Variants in SMG6 observed in about 807,000 individuals in gnomAD.
SMG6 encodes SMG6 nonsense mediated mRNA decay factor.
In SMG6, 66 loss-of-function variants were observed where a neutral mutation model predicts 142.2. The ratio of observed to expected loss-of-function variants is 0.46; its 90% confidence interval spans 0.38 to 0.57. SMG6 has a LOEUF of 0.57. Ranked by LOEUF, SMG6 falls within the 20% of genes least tolerant of loss-of-function variation. The pLI, the probability that SMG6 is intolerant of heterozygous loss-of-function variation, is 0.00. For missense variants in SMG6, 1,793 were observed against 1,832.0 expected, an observed-to-expected ratio of 0.98 and a Z score of 0.39; for synonymous variants, 779 against 702.4, an observed-to-expected ratio of 1.11 and a Z score of -1.72.
chr17:2,073,327 G>A (rs887681572), intron 15 of SMG6, among the ~76,000 whole-genome samples: 2 of 152,044 alleles, frequency 1.3e-5, no homozygotes, highest in East Asian at 2.0e-4. Flanking sequence ...CAGGTGATCC[G>A]CCCGCCTCGG....
chr17:2,183,047 T>C (rs1362505486), intron 12 of SMG6, among the ~76,000 whole-genome samples: 1 of 151,970 alleles, frequency 6.6e-6, no homozygotes, highest in Non-Finnish European at 1.5e-5. Flanking sequence ...AACATGACAA[T>C]GCCCCATCTC....
chr17:2,124,495 C>A (rs919591219), intron 13 of SMG6, among the ~76,000 whole-genome samples: 1 of 152,150 alleles, frequency 6.6e-6, no homozygotes, highest in African/African-American at 2.4e-5. Flanking sequence ...CGCAGAGAGT[C>A]GTAACAGAGT....
intron 13 of SMG6, among the ~76,000 whole-genome samples, chr17:2,161,243 T>G (rs2151625260): frequency 6.6e-6 from 1 of 151,924 alleles, no homozygotes; most frequent in East Asian, 1.9e-4. Context: ...TAGCTGGGAT[T>G]ACAGGCGTGC....
chr17:2,136,102 G>A (rs919023489), intron 13 of SMG6, among the ~76,000 whole-genome samples: 9 of 146,510 alleles, frequency 6.1e-5, no homozygotes, highest in East Asian at 2.1e-4. Flanking sequence ...TCGCTCTGTC[G>A]CCCAGGCTGG....
intron 14 of SMG6, among the ~76,000 whole-genome samples, chr17:2,083,253 C>T (rs547557620): frequency 2.0e-5 from 3 of 152,298 alleles, no homozygotes; most frequent in Admixed American, 6.5e-5. Flanking sequence ...AACTGTCCAG[C>T]TCAAGGTCAT....
chr17:2,204,472 C>T (rs186058077), intron 10 of SMG6, among the ~76,000 whole-genome samples: 22 of 152,288 alleles, frequency 1.4e-4, no homozygotes, highest in Non-Finnish European at 5.9e-5. Flanking sequence ...AAACTGCGAA[C>T]GTAATGACTT....
At chr17:2,143,475 T>C (rs761723845) in intron 13 of SMG6, among the ~76,000 whole-genome samples, 8 of 152,024 alleles carry the variant, frequency 5.3e-5, no homozygotes, top group Non-Finnish European at 1.0e-4. Context: ...AGACACCAGA[T>C]ACAAAAGGCC....
intron 13 of SMG6, among the ~76,000 whole-genome samples, chr17:2,126,887 TACACACAC>T (rs1597431419): frequency 7.0e-6 from 1 of 143,256 alleles, no homozygotes; most frequent in Admixed American, 6.9e-5. Context: ...ACCCTATTTC[TACACACAC>T]ACGCACACAC....
chr17:2,165,566 C>T (rs1470219542), intron 13 of SMG6, among the ~76,000 whole-genome samples: 1 of 152,166 alleles, frequency 6.6e-6, no homozygotes, highest in African/African-American at 2.4e-5. Flanking sequence ...ATTTTAGAGT[C>T]TTTTGTATTT....
intron 10 of SMG6, among the ~76,000 whole-genome samples, chr17:2,211,541 G>A (rs1206741566): frequency 1.3e-5 from 2 of 151,930 alleles, no homozygotes; most frequent in Non-Finnish European, 2.9e-5. Flanking sequence ...GTGGGCGCCT[G>A]TAGTCTCAGC....
rs1597309136 is a variant in SMG6, at chr17:2,061,335, G to A, written c.*157C>T. On this transcript the variant is annotated 3_prime_UTR_variant, in exon 19 of 19. Transcript: ENST00000263073. ...TTGGGAGGGGCTCTGTGAGGAGCAG[G>A]TCCCCCACAGCATGGCCGTGGCGTG... 3 of 713,890 alleles carry A rather than the reference G, an allele frequency of 4.2e-6. No homozygotes were observed. In the Admixed American group the frequency reaches 8.2e-5, roughly 19 times the overall value. The allele number at this position is 713,890 out of a possible 1,614,324, so 44.2% of individuals were successfully genotyped here. A position where few individuals can be genotyped will look rare whatever the true frequency, so the allele number is the denominator to read the frequency against.
intron 10 of SMG6, among the ~76,000 whole-genome samples, chr17:2,217,381 A>C (rs2073048789): frequency 6.6e-6 from 1 of 151,832 alleles, no homozygotes; most frequent in African/African-American, 2.4e-5. Flanking sequence ...TAAAATTAAT[A>C]TATGTATAAT....
At chr17:2,082,209 G>A (rs1007124550) in intron 14 of SMG6, 14 of 496,848 alleles carry the variant, frequency 2.8e-5, no homozygotes, top group African/African-American at 1.5e-4. Flanking sequence ...TAAGTCACTC[G>A]CAATCACACA....
chr17:2,210,125 C>T (rs1197051157), intron 10 of SMG6, among the ~76,000 whole-genome samples: 4 of 152,134 alleles, frequency 2.6e-5, no homozygotes, highest in Admixed American at 6.6e-5. Context: ...GTCCAGAGCT[C>T]CTTGCTGGAC....
intron 13 of SMG6, among the ~76,000 whole-genome samples, chr17:2,097,809 G>C (rs943891720): frequency 2.6e-5 from 4 of 152,082 alleles, no homozygotes; most frequent in African/African-American, 9.7e-5. Context: ...CTTTCACTAA[G>C]ACTTTCACTA....
chr17:2,230,592 C>G (rs1248594358), intron 10 of SMG6, among the ~76,000 whole-genome samples: 2 of 152,136 alleles, frequency 1.3e-5, no homozygotes, highest in African/African-American at 2.4e-5. Context: ...ATTCTGAAAA[C>G]AAGGACCCTG....
intron 8 of SMG6, 47 bp downstream of exon 8, chr17:2,282,600 G>C (rs1171650089): frequency 1.3e-6 from 2 of 1,592,538 alleles, no homozygotes; most frequent in Admixed American, 3.3e-5. Context: ...AGGGCACCCA[G>C]GCTTACTGAG....
At chr17:2,174,350 T>C (rs2071596604) in intron 12 of SMG6, among the ~76,000 whole-genome samples, 1 of 152,090 alleles carries the variant, frequency 6.6e-6, no homozygotes, top group Admixed American at 6.5e-5. Context: ...CCAAGAATCT[T>C]TGGGAGATGG....
intron 6 of SMG6, among the ~76,000 whole-genome samples, chr17:2,286,445 G>GA: frequency 6.6e-6 from 1 of 152,038 alleles, no homozygotes; most frequent in East Asian, 1.9e-4. Flanking sequence ...TGAGAGCTCA[G>GA]AAAAAACCCA....
Sources: allele counts gnomAD v4.1 joint callset (sites outside exome capture counted in the v4.1 genomes callset), GRCh38; gene constraint gnomAD v4.1.1; transcripts MANE v1.5; gene names NCBI Gene and HGNC (gene_info 2026-07-23, HGNC 2026-07-21).